FBXL17: variants seen among roughly 807,000 people sequenced by gnomAD.
FBXL17 encodes F-box and leucine rich repeat protein 17, also known as F-box/LRR-repeat protein 17.
Under a neutral mutation model 66.2 loss-of-function variants are expected in FBXL17, and 22 were observed. The observed-to-expected ratio is 0.33, with a 90% CI of 0.24 to 0.47. The LOEUF is 0.47. Among genes scored for constraint, FBXL17 ranks in the 20% least tolerant of loss-of-function variants. FBXL17 has a pLI of 1.00. For missense variants in FBXL17, 878 were observed against 948.2 expected (o/e 0.93, Z 0.97); for synonymous variants, 474 against 400.5 (o/e 1.18, Z -2.19).
At chr5:108,106,962 T>C (rs1749823280) in intron 6 of FBXL17, among the ~76,000 whole-genome samples, 1 of 152,234 alleles carries the variant, frequency 6.6e-6, no homozygotes, top group Non-Finnish European at 1.5e-5. Flanking sequence ...AATAAAGTTA[T>C]TTTTTAAAGA....
At chr5:107,975,324 T>C (rs966232011) in intron 7 of FBXL17, among the ~76,000 whole-genome samples, 2 of 152,188 alleles carry the variant, frequency 1.3e-5, no homozygotes, top group Admixed American at 6.5e-5. Flanking sequence ...TTGACTTCTC[T>C]ACAGTTATCT....
At chr5:108,267,476 G>A (rs554787392) in intron 4 of FBXL17, among the ~76,000 whole-genome samples, 1 of 152,130 alleles carries the variant, frequency 6.6e-6, no homozygotes, top group Admixed American at 6.5e-5. Context: ...GATGCAGGGT[G>A]CTACTTAATC....
chr5:107,935,068 G>GTT lies in FBXL17; in HGVS notation c.1823-53891_1823-53890dup, dbSNP rs199500057. ...GTAGATCAACAAGATGGTATCTTTT[G>GTT]TTTTTTTTTTGCACTTTACACACAT... On this transcript the variant is annotated intron_variant, in intron 7 of 8. Transcript: ENST00000542267. Among the ~76,000 whole-genome samples the GTT allele has an allele frequency of 3.0e-4, 45 of 148,856 alleles. 1 individual carries two copies. The South Asian group carries it at 4.0e-3, about 13-fold the overall frequency.
intron 7 of FBXL17, among the ~76,000 whole-genome samples, chr5:108,001,690 C>T (rs991888686): frequency 3.9e-5 from 6 of 151,908 alleles, no homozygotes; most frequent in African/African-American, 1.4e-4. Flanking sequence ...CTAGTAGAGA[C>T]GGGGTCTCAC....
At chr5:107,906,567 C>T (rs1385261957) in intron 7 of FBXL17, among the ~76,000 whole-genome samples, 1 of 152,044 alleles carries the variant, frequency 6.6e-6, no homozygotes, top group African/African-American at 2.4e-5. Context: ...AACTTAAGGA[C>T]CCAGTTAATA....
chr5:107,996,235 T>C (rs1753466626), intron 7 of FBXL17, among the ~76,000 whole-genome samples: 1 of 152,236 alleles, frequency 6.6e-6, no homozygotes, highest in Non-Finnish European at 1.5e-5. Context: ...TAAAATTTCA[T>C]TTTTTCTTAA....
At position 108,327,135 on chromosome 5, in the gene FBXL17, T is replaced by C. The variant is rs1369432866; in HGVS notation, c.1506+21264A>G. Among the ~76,000 whole-genome samples, 4 of 152,106 alleles carry C rather than the reference T, an allele frequency of 2.6e-5. No individual in the cohort carries two copies. In the East Asian group the frequency reaches 7.7e-4, roughly 29 times the overall value. On this transcript the variant is annotated intron_variant, in intron 4 of 8. Coordinates refer to ENST00000542267, the MANE Select transcript of FBXL17 (RefSeq NM_001163315.3). ...TTATGTCCTTACAATGGAATGCTAT[T>C]CAGCAATAAAAAAGCAATAAACTAT... is the stretch of plus-strand genomic sequence containing the variant.
At chr5:108,309,040 T>C (rs912022182) in intron 4 of FBXL17, among the ~76,000 whole-genome samples, 20 of 151,886 alleles carry the variant, frequency 1.3e-4, no homozygotes, top group African/African-American at 3.1e-4. Context: ...GGCAAGGCAA[T>C]AGAGAATTAT....
intron 7 of FBXL17, among the ~76,000 whole-genome samples, chr5:107,952,660 G>A (rs546856897): frequency 1.3e-5 from 2 of 152,260 alleles, no homozygotes; most frequent in African/African-American, 4.8e-5. Context: ...ATATTGGCAT[G>A]GTTCCAAAAT....
At chr5:107,899,881 A>G (rs1312951150) in intron 7 of FBXL17, among the ~76,000 whole-genome samples, 1 of 152,130 alleles carries the variant, frequency 6.6e-6, no homozygotes, top group African/African-American at 2.4e-5. Flanking sequence ...TGGGTACACT[A>G]AAAGCCCATA....
chr5:108,165,169 G>A (rs1246582342), intron 6 of FBXL17, among the ~76,000 whole-genome samples: 1 of 152,146 alleles, frequency 6.6e-6, no homozygotes, highest in African/African-American at 2.4e-5. Context: ...AATACACTGT[G>A]CTAAAATCTT....
At chr5:108,153,968 C>T (rs1751867332) in intron 6 of FBXL17, among the ~76,000 whole-genome samples, 1 of 152,062 alleles carries the variant, frequency 6.6e-6, no homozygotes. Context: ...TTTCTTGTGG[C>T]TATATAGGAA....
chr5:108,306,940 CCT>C (rs1758869946), intron 4 of FBXL17, among the ~76,000 whole-genome samples: 1 of 151,982 alleles, frequency 6.6e-6, no homozygotes, highest in Admixed American at 6.6e-5. Flanking sequence ...ATTGATTATG[CCT>C]CTCTTAATCC....
At chr5:107,922,478 C>T (rs1750357058) in intron 7 of FBXL17, among the ~76,000 whole-genome samples, 1 of 152,066 alleles carries the variant, frequency 6.6e-6, no homozygotes, top group Non-Finnish European at 1.5e-5. Flanking sequence ...ACCTTGAAAA[C>T]ATAATAGGTT....
chr5:108,250,746 T>A (rs1756313796), intron 4 of FBXL17, among the ~76,000 whole-genome samples: 1 of 152,136 alleles, frequency 6.6e-6, no homozygotes, highest in African/African-American at 2.4e-5. Flanking sequence ...CACTGTTATG[T>A]TTCTTGTACT....
At chr5:107,872,859 C>T (rs567033061) in intron 8 of FBXL17, among the ~76,000 whole-genome samples, 16 of 152,246 alleles carry the variant, frequency 1.1e-4, no homozygotes, top group African/African-American at 2.6e-4. Flanking sequence ...GAGACGATGG[C>T]GAATGCAGAG....
chr5:108,087,164 C>T (rs1391315519), intron 6 of FBXL17, among the ~76,000 whole-genome samples: 1 of 152,152 alleles, frequency 6.6e-6, no homozygotes, highest in East Asian at 1.9e-4. Context: ...TTTATATGAG[C>T]CTATCAAGGC....
chr5:108,041,251 T>C (rs914319234), intron 6 of FBXL17, among the ~76,000 whole-genome samples: 7 of 152,186 alleles, frequency 4.6e-5, no homozygotes, highest in Non-Finnish European at 8.8e-5. Context: ...CATGAGAATG[T>C]TCCCCCTTCT....
intron 6 of FBXL17, among the ~76,000 whole-genome samples, chr5:108,029,200 T>G (rs1440595928): frequency 2.0e-5 from 3 of 152,038 alleles, no homozygotes; most frequent in Non-Finnish European, 4.4e-5. Flanking sequence ...GATGGCAGAA[T>G]AGGATAGTCA....
Sources: gnomAD v4.1 joint callset for allele counts (sites outside exome capture counted in the v4.1 genomes callset) on GRCh38, gnomAD v4.1.1 for gene constraint, MANE v1.5 for transcripts, NCBI Gene and HGNC (gene_info 2026-07-23, HGNC 2026-07-21) for gene names.